Variants in CSGALNACT1 observed in about 807,000 individuals in gnomAD.
The protein encoded by CSGALNACT1 is chondroitin sulfate N-acetylgalactosaminyltransferase 1, also known as beta4GalNAcT-1.
In CSGALNACT1, 52 loss-of-function variants were observed where a neutral mutation model predicts 51.0. The ratio of observed to expected loss-of-function variants is 1.02; its 90% confidence interval spans 0.82 to 1.29. The LOEUF (loss-of-function observed/expected upper bound fraction) is 1.29. CSGALNACT1 is among the 50% of genes most tolerant of loss of function. The pLI, the probability that CSGALNACT1 is intolerant of heterozygous loss-of-function variation, is 0.00. For missense variants in CSGALNACT1, 935 were observed against 679.2 expected (o/e 1.38, Z -4.19); for synonymous variants, 341 against 254.4 (o/e 1.34, Z -3.24).
intron 1 of CSGALNACT1, among the ~76,000 whole-genome samples, chr8:19,706,743 C>G (rs1444909833): frequency 6.6e-6 from 1 of 152,148 alleles, no homozygotes. Flanking sequence ...CCTCACCAAG[C>G]CTCCCTAGTA....
intron 9 of CSGALNACT1, 26 bp from the exon 9 acceptor site, chr8:19,406,095 A>G: frequency 6.2e-7 from 1 of 1,613,712 alleles, no homozygotes; most frequent in Non-Finnish European, 8.5e-7. Flanking sequence ...ACACTGTTGA[A>G]TCACACTGCA....
At chr8:19,638,058 A>G (rs1030378810) in intron 1 of CSGALNACT1, among the ~76,000 whole-genome samples, 1 of 152,208 alleles carries the variant, frequency 6.6e-6, no homozygotes, top group Admixed American at 6.5e-5. Context: ...ATGAAGGTAT[A>G]GAAAAACCTT....
chr8:19,505,501 G>A (rs762817210), exon 4 of CSGALNACT1: 3 of 1,613,898 alleles, frequency 1.9e-6, no homozygotes, highest in African/African-American at 2.7e-5. Context: ...TTCTCTGGGG[G>A]GCTCCTGTCC....
At chr8:19,460,259 CAG>C (rs376948743) in intron 4 of CSGALNACT1, among the ~76,000 whole-genome samples, 10 of 150,764 alleles carry the variant, frequency 6.6e-5, no homozygotes, top group African/African-American at 9.7e-5. Flanking sequence ...CAGGGAGACA[CAG>C]AGAGAGAGAG....
intron 3 of CSGALNACT1, among the ~76,000 whole-genome samples, chr8:19,531,150 G>A (rs748977431): frequency 1.3e-5 from 2 of 152,186 alleles, no homozygotes; most frequent in African/African-American, 2.4e-5. Flanking sequence ...ACTCTTCAGA[G>A]ATAGAGCTAT....
chr8:19,595,927 G>A (rs1010698178), intron 2 of CSGALNACT1, among the ~76,000 whole-genome samples: 3 of 145,346 alleles, frequency 2.1e-5, no homozygotes, highest in Non-Finnish European at 4.5e-5. Flanking sequence ...CCAGTGATGT[G>A]ATCTCAGCTC....
intron 1 of CSGALNACT1, among the ~76,000 whole-genome samples, chr8:19,640,439 ACAT>A (rs2056605910): frequency 6.6e-6 from 1 of 152,192 alleles, no homozygotes; most frequent in Non-Finnish European, 1.5e-5. Context: ...TCTTGACTGA[ACAT>A]CAAACTGCTG....
chr8:19,469,539 C>T (rs1174320874), intron 4 of CSGALNACT1, among the ~76,000 whole-genome samples: 1 of 152,198 alleles, frequency 6.6e-6, no homozygotes, highest in Non-Finnish European at 1.5e-5. Context: ...GAAGGGGCAG[C>T]AGTGAGTTGA....
intron 1 of CSGALNACT1, among the ~76,000 whole-genome samples, chr8:19,662,122 T>G (rs1205461486): frequency 1.7e-5 from 2 of 115,166 alleles, no homozygotes; most frequent in Non-Finnish European, 1.6e-5. Flanking sequence ...TTTATTGAAA[T>G]CCAGCAACTG....
intron 4 of CSGALNACT1, among the ~76,000 whole-genome samples, chr8:19,482,606 T>A (rs977189926): frequency 3.3e-5 from 5 of 152,142 alleles, no homozygotes; most frequent in African/African-American, 1.2e-4. Context: ...CTTCTGACTT[T>A]CTGCCTCCCT....
intron 5 of CSGALNACT1, among the ~76,000 whole-genome samples, chr8:19,441,233 G>A (rs1466341155): frequency 3.9e-5 from 6 of 152,072 alleles, no homozygotes; most frequent in Non-Finnish European, 7.3e-5. Flanking sequence ...AAGTTCATAT[G>A]GAACCAAAAA....
At chr8:19,738,904 G>C (rs11204067) in intron 1 of CSGALNACT1, among the ~76,000 whole-genome samples, 76,183 of 151,500 alleles carry the variant, frequency 0.5, 19,312 homozygotes, top group South Asian at 0.62. Flanking sequence ...ATGACAATAT[G>C]AGGAAGAGGA....
At chr8:19,491,046 T>A (rs1048772282) in intron 4 of CSGALNACT1, among the ~76,000 whole-genome samples, 1 of 151,400 alleles carries the variant, frequency 6.6e-6, no homozygotes, top group Admixed American at 6.6e-5. Flanking sequence ...AAAGAAAGTA[T>A]CTGGAAAACA....
chr8:19,693,693 A>C (rs183243674), intron 1 of CSGALNACT1, among the ~76,000 whole-genome samples: 11 of 152,114 alleles, frequency 7.2e-5, no homozygotes, highest in Admixed American at 7.2e-4. Context: ...TTTTGATACC[A>C]GTTCATCCAA....
At chr8:19,414,613 ACAC>A (rs1213836957) in intron 8 of CSGALNACT1, among the ~76,000 whole-genome samples, 2 of 150,892 alleles carry the variant, frequency 1.3e-5, no homozygotes, top group Non-Finnish European at 3.0e-5. Context: ...ACACACACAC[ACAC>A]TATCATAAAT....
chr8:19,435,090 T>C (rs1342572951), intron 6 of CSGALNACT1, among the ~76,000 whole-genome samples: 1 of 152,174 alleles, frequency 6.6e-6, no homozygotes, highest in Non-Finnish European at 1.5e-5. Context: ...TCAGAGATGA[T>C]TCCTCTGAAG....
rs139479239 is a variant in CSGALNACT1, at chr8:19,487,705, CA to C, written c.634+17495del. 2.6e-5 allele frequency among the ~76,000 whole-genome samples: 4 copies of C among 152,010 alleles called. No individual in the cohort carries two copies. In the South Asian group the frequency reaches 8.3e-4, roughly 32 times the overall value. ...GTCAACTATTCATGGTAGTTTTCCA[CA>C]AAAAAGGGTGTTTCCATATGCAGAC... is the stretch of plus-strand genomic sequence containing the variant. On this transcript the variant is annotated intron_variant, in intron 4 of 9. Transcript: ENST00000454498.
chr8:19,599,482 AAGAAAGAAAGAAAGAAAG>A (rs1342412659), intron 2 of CSGALNACT1, among the ~76,000 whole-genome samples: 18 of 78,988 alleles, frequency 2.3e-4, no homozygotes, highest in African/African-American at 9.9e-4. Flanking sequence ...AAAAGAAAGA[AAGAAAGAAAGAAAGAAAG>A]AAAGAAAGAA....
chr8:19,484,917 C>G (rs1236405848), intron 4 of CSGALNACT1, among the ~76,000 whole-genome samples: 2 of 152,198 alleles, frequency 1.3e-5, no homozygotes, highest in South Asian at 2.1e-4. Context: ...TTGACCTGTC[C>G]TCACTGAGGA....
Sources: allele counts gnomAD v4.1 joint callset (sites outside exome capture counted in the v4.1 genomes callset), GRCh38; gene constraint gnomAD v4.1.1; transcripts MANE v1.5; gene names NCBI Gene and HGNC (gene_info 2026-07-23, HGNC 2026-07-21).